KCNN3: variants seen among roughly 807,000 people sequenced by gnomAD.
KCNN3 encodes the protein small conductance calcium-activated potassium channel protein 3.
KCNN3 carries 16 observed loss-of-function variants against 62.9 expected under a neutral mutation model. That is an observed-to-expected ratio of 0.25 (90% confidence interval 0.17 to 0.39). The LOEUF is 0.39. Among genes scored for constraint, KCNN3 ranks in the 10% least tolerant of loss-of-function variants. KCNN3 has a pLI of 1.00. For missense variants in KCNN3, 599 were observed against 949.4 expected, an observed-to-expected ratio of 0.63 and a Z score of 4.85; for synonymous variants, 370 against 389.2, an observed-to-expected ratio of 0.95 and a Z score of 0.58.
intron 2 of KCNN3, among the ~76,000 whole-genome samples, chr1:154,782,987 C>T (rs539616710): frequency 5.3e-5 from 8 of 152,130 alleles, no homozygotes; most frequent in East Asian, 1.9e-4. Context: ...CCGAGGCGGG[C>T]GGATCATGAG....
chr1:154,860,496 A>G (rs1292509981), intron 1 of KCNN3, among the ~76,000 whole-genome samples: 1 of 152,172 alleles, frequency 6.6e-6, no homozygotes, highest in East Asian at 1.9e-4. Context: ...GTAGAATAAC[A>G]GGGCCCCATG....
intron 3 of KCNN3, among the ~76,000 whole-genome samples, chr1:154,749,433 C>T (rs1042362722): frequency 6.6e-5 from 10 of 152,198 alleles, no homozygotes; most frequent in Non-Finnish European, 1.0e-4. Context: ...GTGGGAAGGA[C>T]GTGGGAATCA....
chr1:154,860,954 T>TTTG (rs1194508673), intron 1 of KCNN3, among the ~76,000 whole-genome samples: 1 of 145,904 alleles, frequency 6.9e-6, no homozygotes, highest in Non-Finnish European at 1.5e-5. Flanking sequence ...CACCCAAGTT[T>TTTG]TTTTTTTTTT....
At chr1:154,853,883 G>A (rs12045303) in intron 1 of KCNN3, among the ~76,000 whole-genome samples, 71,462 of 151,870 alleles carry the variant, frequency 0.47, 19,058 homozygotes, top group East Asian at 0.96. Flanking sequence ...GGCGGAAGTT[G>A]CAGTGAGCCG....
chr1:154,720,411 G>A (rs1228372903), intron 5 of KCNN3, among the ~76,000 whole-genome samples: 1 of 152,210 alleles, frequency 6.6e-6, no homozygotes, highest in Admixed American at 6.5e-5. Context: ...CTGATCCATT[G>A]TAAAGACTTG....
intron 1 of KCNN3, among the ~76,000 whole-genome samples, chr1:154,864,363 A>T (rs1341899015): frequency 6.6e-6 from 1 of 152,268 alleles, no homozygotes; most frequent in Non-Finnish European, 1.5e-5. Context: ...GTGCAGAGCC[A>T]CTTGGCTAGC....
chr1:154,714,192 TG>T (rs1700152114), intron 6 of KCNN3, among the ~76,000 whole-genome samples: 7 of 129,730 alleles, frequency 5.4e-5, no homozygotes, highest in South Asian at 5.2e-4. Context: ...GGTGTGTGTG[TG>T]GTGTGTGTGT....
intron 4 of KCNN3, among the ~76,000 whole-genome samples, chr1:154,729,147 G>A (rs1360847949): frequency 6.6e-6 from 1 of 152,176 alleles, no homozygotes; most frequent in Admixed American, 6.5e-5. Flanking sequence ...GGTAGAGGGG[G>A]TGTGTGAGGA....
At chr1:154,807,425 G>GC (rs942100005) in intron 2 of KCNN3, among the ~76,000 whole-genome samples, 28 of 152,096 alleles carry the variant, frequency 1.8e-4, no homozygotes, top group Non-Finnish European at 4.0e-4. Context: ...ACACTCAGAA[G>GC]CCCCCCGCAC....
Position 154,862,169 on chromosome 1 carries a change from G to T in KCNN3, c.933+6863C>A, listed in dbSNP as rs1395198627. On this transcript the variant is annotated intron_variant, in intron 1 of 7. Coordinates refer to ENST00000271915, the MANE Select transcript of KCNN3 (RefSeq NM_002249.6). This position sits in a 1 kb window ranked among gnomAD's most constrained non-coding sequence, Gnocchi z 4.1. ...GGAAATCAGAAGTGTACTGAGACCT[G>T]AGCTCTCATTCTAGAACCCTCTCTT... is the stretch of plus-strand genomic sequence containing the variant. Among the ~76,000 whole-genome samples the T allele has an allele frequency of 2.6e-5, 4 of 152,182 alleles. No homozygotes were observed.
At position 154,708,113 on chromosome 1, in the gene KCNN3, GCTGCT is replaced by G; in HGVS notation, c.2054_2058del (p.Gln685ProfsTer26). 6.2e-7 allele frequency: 1 copy of G among 1,613,754 alleles called. No individual in the cohort carries two copies. On this transcript the variant is annotated frameshift_variant, in exon 8 of 8. Transcript: ENST00000271915. LOFTEE classifies it high-confidence loss of function. The stretch of plus-strand genomic sequence containing the variant: ...GCCTCGATGATGGCAGACAGGAGCT[GCTGCT>G]GCTGCTGGCGCAGGGTGTCGGCGAT...
chr1:154,714,767 C>T lies in KCNN3; in HGVS notation c.1829+109G>A. 7 of 1,489,820 alleles carry T rather than the reference C, an allele frequency of 4.7e-6. No individual in the cohort carries two copies. In the South Asian group the frequency reaches 5.7e-5, roughly 12 times the overall value. 92.3% of individuals were successfully genotyped at this position (1,489,820 alleles called of 1,614,324 possible). On this transcript the variant is annotated intron_variant, in intron 6 of 7. Coordinates refer to ENST00000271915, the MANE Select transcript of KCNN3 (RefSeq NM_002249.6). Reference sequence around the variant, plus strand: ...TGATCAGACCCAGTTCACCACTCCACTTGTTGAGTGGAACAGAATGGATTT... The same window carrying T: ...TGATCAGACCCAGTTCACCACTCCATTTGTTGAGTGGAACAGAATGGATTT...
rs1699927533 is a variant in KCNN3, at chr1:154,704,520, A to C, written c.*3456T>G. 2 of 152,162 alleles carry C rather than the reference A, an allele frequency of 1.3e-5. No homozygotes were observed. The highest frequency in any genetic ancestry group is 4.1e-4 in the South Asian group (2 of 4,834). 9.4% of individuals were successfully genotyped at this position (152,162 alleles called of 1,614,324 possible). On this transcript the variant is annotated 3_prime_UTR_variant, in exon 8 of 8. Transcript: ENST00000271915. ...CTGAGATTAGTGGTCTTAAAGTATC[A>C]CAGTACATCCCTGACTTTACAGTAC...
At chr1:154,828,082 G>A (rs1651211917) in intron 1 of KCNN3, among the ~76,000 whole-genome samples, 1 of 152,158 alleles carries the variant, frequency 6.6e-6, no homozygotes, top group African/African-American at 2.4e-5. Flanking sequence ...AGCCTGAGAA[G>A]GGAGAAGGGC....
intron 2 of KCNN3, among the ~76,000 whole-genome samples, chr1:154,780,925 A>G (rs1211833894): frequency 1.3e-5 from 2 of 152,212 alleles, no homozygotes; most frequent in Non-Finnish European, 2.9e-5. Flanking sequence ...CTATGATTCT[A>G]CCATAAACAA....
intron 3 of KCNN3, among the ~76,000 whole-genome samples, chr1:154,770,398 T>C (rs946682003): frequency 1.3e-5 from 2 of 152,188 alleles, no homozygotes; most frequent in East Asian, 1.9e-4. Flanking sequence ...GGAGATACGA[T>C]TCAAGGCACC....
chr1:154,802,985 A>G (rs1487732411), intron 2 of KCNN3, among the ~76,000 whole-genome samples: 3 of 152,166 alleles, frequency 2.0e-5, no homozygotes, highest in Non-Finnish European at 4.4e-5. Flanking sequence ...CACGCCGTGC[A>G]TGACACCTTC....
intron 2 of KCNN3, among the ~76,000 whole-genome samples, chr1:154,795,481 C>T (rs781574456): frequency 1.1e-4 from 17 of 152,262 alleles, no homozygotes; most frequent in South Asian, 4.1e-4. Context: ...TCTGGAAGTA[C>T]GGTGGAAGCT....
rs528487483 is a variant in KCNN3 at position 154,835,372 on chromosome 1, C to T, written c.934-13188G>A. Among the ~76,000 whole-genome samples, 341 of 152,268 alleles carry T rather than the reference C, an allele frequency of 2.2e-3. 1 individual carries two copies. Among genetic ancestry groups the T allele is most frequent in the African/African-American group, 8.0e-3 (334 of 41,540 alleles). ...CACCCTATATATGTAGTATTTGCTG[C>T]CAAAGGGTCTGAGAGAATTGGGGCC... On this transcript the variant is annotated intron_variant, in intron 1 of 7. Transcript: ENST00000271915.
Sources: gnomAD v4.1 joint callset for allele counts (sites outside exome capture counted in the v4.1 genomes callset) on GRCh38, gnomAD v4.1.1 for gene constraint, Gnocchi (gnomAD v3.1) non-coding constraint, MANE v1.5 for transcripts, NCBI Gene and HGNC (gene_info 2026-07-23, HGNC 2026-07-21) for gene names.